Variants in PALM2AKAP2 observed in about 807,000 individuals in gnomAD.
PALM2AKAP2 encodes PALM2 and AKAP2 fusion, also known as PALM2-AKAP2 fusion protein.
A neutral mutation model predicts 71.5 loss-of-function variants in PALM2AKAP2; 37 were observed. The observed-to-expected ratio is 0.52, with a 90% CI of 0.40 to 0.68. The LOEUF (loss-of-function observed/expected upper bound fraction) is 0.68, where lower values mean the gene tolerates loss of function less well. Among genes scored for constraint, PALM2AKAP2 ranks in the 30% least tolerant of loss-of-function variants. PALM2AKAP2 has a pLI of 0.00. For missense variants in PALM2AKAP2, 1,224 were observed against 1,191.8 expected (o/e 1.03, Z -0.40); for synonymous variants, 468 against 478.8 (o/e 0.98, Z 0.29).
chr9:109,902,304 T>C (rs1033571590), intron 3 of PALM2AKAP2, among the ~76,000 whole-genome samples: 1 of 152,250 alleles, frequency 6.6e-6, no homozygotes, highest in African/African-American at 2.4e-5. Flanking sequence ...CCAGCTTCTA[T>C]AGCACCCTTT....
chr9:109,929,340 T>C (rs12000736), intron 5 of PALM2AKAP2, among the ~76,000 whole-genome samples: 37 of 152,080 alleles, frequency 2.4e-4, no homozygotes, highest in African/African-American at 8.9e-4. Context: ...TCAGTGAATC[T>C]TGGAAGTTCT....
intron 2 of PALM2AKAP2, chr9:110,148,537 A>G (rs533368043): frequency 6.6e-6 from 1 of 152,326 alleles, no homozygotes; most frequent in East Asian, 1.9e-4. Flanking sequence ...TGGGGCTGAC[A>G]AGCAGGATGT....
intron 1 of PALM2AKAP2, among the ~76,000 whole-genome samples, chr9:110,108,191 C>T (rs919412618): frequency 1.3e-5 from 2 of 149,484 alleles, no homozygotes; most frequent in African/African-American, 4.9e-5. Context: ...TCTTGGCTCA[C>T]TGCAACCTCT....
intron 3 of PALM2AKAP2, among the ~76,000 whole-genome samples, chr9:109,918,430 C>T (rs1476819630): frequency 6.6e-6 from 1 of 152,172 alleles, no homozygotes; most frequent in Non-Finnish European, 1.5e-5. Flanking sequence ...TGGCTTATTA[C>T]AGTTTGCTTT....
At chr9:109,764,923 A>G (rs967020746) in intron 1 of PALM2AKAP2, among the ~76,000 whole-genome samples, 1 of 152,242 alleles carries the variant, frequency 6.6e-6, no homozygotes, top group Non-Finnish European at 1.5e-5. Flanking sequence ...CTGAGCAGTT[A>G]TTAGTGAGGA....
chr9:109,675,311 A>T (rs1367238857), intron 1 of PALM2AKAP2, among the ~76,000 whole-genome samples: 1 of 107,382 alleles, frequency 9.3e-6, no homozygotes, highest in Non-Finnish European at 1.8e-5. Context: ...TAATATTTTC[A>T]AACATCTTAA....
At chr9:109,889,730 G>A (rs956600504) in intron 3 of PALM2AKAP2, among the ~76,000 whole-genome samples, 4 of 152,184 alleles carry the variant, frequency 2.6e-5, no homozygotes, top group African/African-American at 7.2e-5. Flanking sequence ...CAGAGTCATC[G>A]TGCCTCGCTC....
intron 1 of PALM2AKAP2, among the ~76,000 whole-genome samples, chr9:110,094,500 C>A (rs753486257): frequency 1.3e-5 from 2 of 152,104 alleles, no homozygotes; most frequent in African/African-American, 4.8e-5. Context: ...TTCTGGTATC[C>A]GCTCAGCTTC....
chr9:109,771,693 T>C (rs1175425841), intron 1 of PALM2AKAP2, among the ~76,000 whole-genome samples: 1 of 151,706 alleles, frequency 6.6e-6, no homozygotes, highest in Non-Finnish European at 1.5e-5. Flanking sequence ...TGACAGAAAA[T>C]AGTGTAAGAA....
chr9:110,147,588 C>T (rs2119168219), intron 2 of PALM2AKAP2, among the ~76,000 whole-genome samples: 1 of 152,176 alleles, frequency 6.6e-6, no homozygotes, highest in Non-Finnish European at 1.5e-5. Context: ...CCAACCTGGG[C>T]AATATAGTGA....
At chr9:109,806,628 CA>C (rs1318482482) in intron 1 of PALM2AKAP2, among the ~76,000 whole-genome samples, 7 of 152,104 alleles carry the variant, frequency 4.6e-5, no homozygotes, top group Non-Finnish European at 8.8e-5. Flanking sequence ...TGATAAAAAA[CA>C]AAGAGTGAGC....
At chr9:110,137,141 T>C in exon 2 of PALM2AKAP2, 1 of 1,613,570 alleles carries the variant, frequency 6.2e-7, no homozygotes, top group Non-Finnish European at 8.5e-7. Context: ...CCCTGCCTCT[T>C]CTCATGAACG....
At chr9:109,959,658 A>G (rs2132111370) in intron 6 of PALM2AKAP2, among the ~76,000 whole-genome samples, 1 of 152,028 alleles carries the variant, frequency 6.6e-6, no homozygotes, top group South Asian at 2.1e-4. Context: ...AAAAAAAAAA[A>G]AAAAATCCTA....
At chr9:110,017,728 C>CT (rs1833005478) in intron 7 of PALM2AKAP2, among the ~76,000 whole-genome samples, 3 of 43,932 alleles carry the variant, frequency 6.8e-5, no homozygotes, top group African/African-American at 2.0e-4. Flanking sequence ...ACGGCATATT[C>CT]CTTTTTTTTT....
intron 1 of PALM2AKAP2, among the ~76,000 whole-genome samples, chr9:110,119,954 T>C (rs1388554104): frequency 2.0e-5 from 3 of 152,222 alleles, no homozygotes; most frequent in Non-Finnish European, 4.4e-5. Flanking sequence ...AGCAGTGGTA[T>C]TATGCCATTT....
intron 1 of PALM2AKAP2, among the ~76,000 whole-genome samples, chr9:109,798,713 T>C (rs765046283): frequency 6.6e-6 from 1 of 152,208 alleles, no homozygotes; most frequent in African/African-American, 2.4e-5. Flanking sequence ...CTACTCCCCA[T>C]TGATAATAAA....
intron 7 of PALM2AKAP2, among the ~76,000 whole-genome samples, chr9:110,033,998 A>G (rs1460037132): frequency 6.6e-6 from 1 of 152,208 alleles, no homozygotes; most frequent in African/African-American, 2.4e-5. Flanking sequence ...GAGATAAAGT[A>G]ACCTATGGAA....
intron 7 of PALM2AKAP2, among the ~76,000 whole-genome samples, chr9:110,022,569 T>A (rs570079986): frequency 4.7e-5 from 7 of 149,360 alleles, no homozygotes; most frequent in South Asian, 2.1e-4. Context: ...TCTTTATTTT[T>A]ATTTTATTTT....
chr9:109,660,367 C>A (rs182625921), intron 1 of PALM2AKAP2, among the ~76,000 whole-genome samples: 118 of 152,156 alleles, frequency 7.8e-4, no homozygotes, highest in African/African-American at 2.7e-3. Flanking sequence ...TCCCGACAGG[C>A]CCTGGTGTGT....
Sources: gnomAD v4.1 joint callset for allele counts (sites outside exome capture counted in the v4.1 genomes callset) on GRCh38, gnomAD v4.1.1 for gene constraint, MANE v1.5 for transcripts, NCBI Gene and HGNC (gene_info 2026-07-23, HGNC 2026-07-21) for gene names.